RCOR1: variants seen among roughly 807,000 people sequenced by gnomAD.
RCOR1 encodes REST corepressor.
Under a neutral mutation model 64.0 loss-of-function variants are expected in RCOR1, and 12 were observed. The ratio of observed to expected loss-of-function variants is 0.19; its 90% CI spans 0.12 to 0.30. The LOEUF (loss-of-function observed/expected upper bound fraction) is 0.30. Among genes scored for constraint, RCOR1 ranks in the 10% least tolerant of loss-of-function variants. The pLI, the probability that RCOR1 is intolerant of heterozygous loss-of-function variation, is 1.00. For missense variants in RCOR1, 502 were observed against 621.2 expected, an observed-to-expected ratio of 0.81 and a Z score of 2.04; for synonymous variants, 279 against 227.2, an observed-to-expected ratio of 1.23 and a Z score of -2.05.
chr14:102,644,267 C>A (rs1445190552), intron 2 of RCOR1, among the ~76,000 whole-genome samples: 1 of 152,208 alleles, frequency 6.6e-6, no homozygotes, highest in Non-Finnish European at 1.5e-5. Flanking sequence ...TGACTATTAA[C>A]TGATTCACTT....
At chr14:102,619,104 ATCTGTCTG>A (rs71119723) in intron 2 of RCOR1, among the ~76,000 whole-genome samples, 7 of 151,410 alleles carry the variant, frequency 4.6e-5, no homozygotes, top group East Asian at 1.9e-4. Flanking sequence ...TAGCTAAAGG[ATCTGTCTG>A]TCTGTCTGTC....
chr14:102,592,748 C>G lies in RCOR1; in HGVS notation c.-139C>G. 8.2e-7 allele frequency: 1 copy of G among 1,219,124 alleles called. No individual in the cohort carries two copies. The highest frequency in any genetic ancestry group is 1.0e-6 in the Non-Finnish European group (1 of 980,038). The allele number at this position is 1,219,124 out of a possible 1,614,324, so 75.5% of individuals were successfully genotyped here. On this transcript the variant is annotated 5_prime_UTR_variant, in exon 1 of 12. Transcript: ENST00000262241. ...CGCGCTCTGCCCGTTTGGGCCTCCC[C>G]CGACTCGGACTCGCGCCCGTGGGCT... is the stretch of plus-strand genomic sequence containing the variant.
intron 2 of RCOR1, among the ~76,000 whole-genome samples, chr14:102,679,171 A>G (rs1895252736): frequency 6.6e-6 from 1 of 152,192 alleles, no homozygotes; most frequent in Non-Finnish European, 1.5e-5. Flanking sequence ...TTGGTACTGT[A>G]TCTAAGATCT....
At chr14:102,686,902 G>A (rs1202921534) in intron 3 of RCOR1, among the ~76,000 whole-genome samples, 1 of 151,988 alleles carries the variant, frequency 6.6e-6, no homozygotes, top group Non-Finnish European at 1.5e-5. Flanking sequence ...TTTTTACATC[G>A]TTGTTTCAAC....
At chr14:102,720,914 C>T in intron 8 of RCOR1, 93 bp from the exon 9 acceptor site, 1 of 648,858 alleles carries the variant, frequency 1.5e-6, no homozygotes, top group Non-Finnish European at 2.6e-6. Flanking sequence ...CGTCTTTACT[C>T]TTGGGTTTTT....
chr14:102,714,905 A>C (rs1443979465), intron 8 of RCOR1, among the ~76,000 whole-genome samples: 1 of 152,170 alleles, frequency 6.6e-6, no homozygotes, highest in Non-Finnish European at 1.5e-5. Flanking sequence ...GATTTCTCAC[A>C]ATATGAACAT....
chr14:102,709,913 C>CT (rs199733807), intron 6 of RCOR1, among the ~76,000 whole-genome samples: 12 of 151,074 alleles, frequency 7.9e-5, no homozygotes, highest in East Asian at 5.8e-4. Context: ...TCCCTGGAGG[C>CT]TTTTTTTTTG....
chr14:102,603,799 T>C (rs1305091870), intron 2 of RCOR1, among the ~76,000 whole-genome samples: 1 of 152,064 alleles, frequency 6.6e-6, no homozygotes, highest in Non-Finnish European at 1.5e-5. Flanking sequence ...TTTTGTGTTT[T>C]TTTGTAGAGA....
In RCOR1 at chr14:102,710,726, G is replaced by C. The variant is rs538785893; in HGVS notation, c.780-209G>C. ...TATTTTAGTAGTTTCTCATCACTTA[G>C]ACTGAAAGAACTATGGAGTTGGTAT... On this transcript the variant is annotated intron_variant, in intron 6 of 11. Coordinates refer to ENST00000262241, the MANE Select transcript of RCOR1 (RefSeq NM_015156.4). The C allele has an allele frequency of 8.2e-4, 435 of 532,702 alleles. 5 individuals are homozygous for C. The highest frequency in any genetic ancestry group is 3.0e-3 in the Middle Eastern group (6 of 1,972). The allele number at this position is 532,702 out of a possible 1,614,324, so 33.0% of individuals were successfully genotyped here. A position where few individuals can be genotyped will look rare whatever the true frequency, so the allele number is the denominator to read the frequency against.
At chr14:102,692,056 T>A (rs8007177) in intron 3 of RCOR1, among the ~76,000 whole-genome samples, 5 of 152,244 alleles carry the variant, frequency 3.3e-5, no homozygotes, top group Non-Finnish European at 7.3e-5. Flanking sequence ...GTTGGACTTA[T>A]ACGTGTTAGA....
intron 2 of RCOR1, among the ~76,000 whole-genome samples, chr14:102,665,511 G>A (rs961651145): frequency 2.6e-5 from 4 of 152,076 alleles, no homozygotes; most frequent in Non-Finnish European, 4.4e-5. Flanking sequence ...TGTAAGCTGA[G>A]GAGCATCTGT....
chr14:102,673,734 G>C (rs1361840297), intron 2 of RCOR1, among the ~76,000 whole-genome samples: 1 of 152,132 alleles, frequency 6.6e-6, no homozygotes. Flanking sequence ...TCCTGCCTCA[G>C]CCTCCCAAGT....
intron 3 of RCOR1, among the ~76,000 whole-genome samples, chr14:102,684,409 T>C (rs1895372364): frequency 6.6e-6 from 1 of 152,296 alleles, no homozygotes; most frequent in East Asian, 1.9e-4. Context: ...TTAGATGGCA[T>C]AAAAAAGGAT....
intron 2 of RCOR1, among the ~76,000 whole-genome samples, chr14:102,603,550 G>A (rs1057301061): frequency 2.0e-5 from 3 of 151,984 alleles, no homozygotes; most frequent in Admixed American, 1.3e-4. Context: ...CCCTGGCCCA[G>A]GGGTGTCTGT....
At chr14:102,597,405 T>G (rs1223175070) in intron 2 of RCOR1, among the ~76,000 whole-genome samples, 1 of 150,398 alleles carries the variant, frequency 6.6e-6, no homozygotes, top group Non-Finnish European at 1.5e-5. Context: ...CTCAGCTCAC[T>G]GCAACCTCCA....
At chr14:102,602,621 C>A (rs1169561933) in intron 2 of RCOR1, among the ~76,000 whole-genome samples, 2 of 151,902 alleles carry the variant, frequency 1.3e-5, no homozygotes, top group Non-Finnish European at 2.9e-5. Flanking sequence ...CTGGCCAGGC[C>A]GGTTTTGAAC....
At chr14:102,692,561 A>G (rs1420482751) in intron 3 of RCOR1, among the ~76,000 whole-genome samples, 3 of 152,006 alleles carry the variant, frequency 2.0e-5, no homozygotes, top group African/African-American at 4.8e-5. Flanking sequence ...TCTTTTCGGT[A>G]TGCTTATATG....
At chr14:102,606,088 G>C (rs955772199) in intron 2 of RCOR1, among the ~76,000 whole-genome samples, 21 of 152,036 alleles carry the variant, frequency 1.4e-4, no homozygotes, top group Non-Finnish European at 1.0e-4. Flanking sequence ...ACCATGCCTG[G>C]CTAATTTTTG....
At chr14:102,725,790 C>T (rs1433386192) in intron 11 of RCOR1, among the ~76,000 whole-genome samples, 3 of 151,926 alleles carry the variant, frequency 2.0e-5, no homozygotes, top group East Asian at 2.0e-4. Flanking sequence ...AGGCTGGTCT[C>T]GAATTCCTGA....
Sources: allele counts gnomAD v4.1 joint callset (sites outside exome capture counted in the v4.1 genomes callset), GRCh38; gene constraint gnomAD v4.1.1; transcripts MANE v1.5; gene names NCBI Gene and HGNC (gene_info 2026-07-23, HGNC 2026-07-21).